SLC35D2: variants seen among roughly 807,000 people sequenced by gnomAD.
The protein encoded by SLC35D2 is nucleotide sugar transporter SLC35D2.
In SLC35D2, 43 loss-of-function variants were observed where a neutral mutation model predicts 41.8. The ratio of observed to expected loss-of-function variants is 1.03; its 90% CI spans 0.81 to 1.33. SLC35D2 has a LOEUF of 1.33. Among genes scored for constraint, SLC35D2 ranks in the 40% most tolerant of loss-of-function variants. The pLI is 0.00. For missense variants in SLC35D2, 380 were observed against 408.4 expected, an observed-to-expected ratio of 0.93 and a Z score of 0.60; for synonymous variants, 150 against 163.9, an observed-to-expected ratio of 0.92 and a Z score of 0.65.
At chr9:96,329,603 T>C (rs895915647) in intron 9 of SLC35D2, among the ~76,000 whole-genome samples, 2 of 152,310 alleles carry the variant, frequency 1.3e-5, no homozygotes, top group Middle Eastern at 3.4e-3. Flanking sequence ...ACTTGGAGAG[T>C]GGCTGTGGCC....
At chr9:96,364,206 G>C (rs1385125962) in intron 3 of SLC35D2, among the ~76,000 whole-genome samples, 1 of 151,958 alleles carries the variant, frequency 6.6e-6, no homozygotes, top group African/African-American at 2.4e-5. Context: ...ATGGTGGCAG[G>C]CACCTGTAAT....
At position 96,321,286 on chromosome 9, in the gene SLC35D2, T is replaced by C; in HGVS notation, c.970A>G (p.Lys324Glu). 1.2e-6 allele frequency: 2 copies of C among 1,614,102 alleles called. No homozygotes were observed. The highest frequency in any genetic ancestry group is 1.7e-6 in the Non-Finnish European group (2 of 1,179,978). ...FLTLSSQLKPKPVGEENICLD... is the reference protein window; with the variant it reads ...FLTLSSQLKPEPVGEENICLD... Reference sequence around the variant, plus strand: ...CAGATGTTTTCTTCACCCACAGGTTTAGGTTTTAACTGGCTGCTCAGTGTT... The same window carrying C: ...CAGATGTTTTCTTCACCCACAGGTTCAGGTTTTAACTGGCTGCTCAGTGTT... The change falls in exon 12 of 12, where the codon AAA becomes GAA. Residue 324 changes from lysine (K) to glutamate (E), a missense_variant. Lys to Glu is a moderately conservative substitution (Grantham distance 56). Transcript: ENST00000253270.
chr9:96,324,694 A>G (rs72603663), intron 9 of SLC35D2, among the ~76,000 whole-genome samples: 20,052 of 151,720 alleles, frequency 0.13, 1,773 homozygotes, highest in East Asian at 0.28. Flanking sequence ...CTGGGACTAC[A>G]GGCTCATGCC....
At chr9:96,332,348 T>G (rs1828845325) in intron 9 of SLC35D2, among the ~76,000 whole-genome samples, 1 of 152,068 alleles carries the variant, frequency 6.6e-6, no homozygotes, top group African/African-American at 2.4e-5. Context: ...AAGCTTACTA[T>G]GGAGATGCAG....
At chr9:96,326,602 G>C (rs1032545645) in intron 9 of SLC35D2, among the ~76,000 whole-genome samples, 1 of 152,014 alleles carries the variant, frequency 6.6e-6, no homozygotes, top group Non-Finnish European at 1.5e-5. Context: ...AGGAGATTGA[G>C]ACCATCCTGG....
chr9:96,341,211 T>C (rs902724183), intron 8 of SLC35D2, among the ~76,000 whole-genome samples: 2 of 152,092 alleles, frequency 1.3e-5, no homozygotes, highest in African/African-American at 4.8e-5. Flanking sequence ...TGCTTGAATG[T>C]GGGAGACAGA....
At chr9:96,351,207 CAG>C (rs1829799807) in intron 5 of SLC35D2, 36 bp from the exon 6 acceptor site, 5 of 1,394,534 alleles carry the variant, frequency 3.6e-6, no homozygotes, top group South Asian at 3.5e-5. Flanking sequence ...GGAAAGGGAG[CAG>C]AGAGGAAAAC....
chr9:96,378,625 G>A (rs910556274), intron 1 of SLC35D2, among the ~76,000 whole-genome samples: 4 of 152,122 alleles, frequency 2.6e-5, no homozygotes, highest in Admixed American at 6.6e-5. Flanking sequence ...GAAAAGACCA[G>A]CTTGGTGTGG....
Position 96,364,483 on chromosome 9 carries a change from T to A in SLC35D2, c.260A>T (p.Asp87Val). Residue 87 changes from aspartate (D) to valine (V), a missense_variant, in exon 3 of 12, where the codon GAT (aspartate) becomes GTT (valine). Transcript: ENST00000253270. ...LNKIIHFPDFDKKIPVKLFPL... is the reference protein window; with the variant it reads ...LNKIIHFPDFVKKIPVKLFPL... The stretch of plus-strand genomic sequence containing the variant: ...ACTTACCTTTACAGGAATTTTCTTA[T>A]CAAAATCAGGGAAGTGAATGATTTT... 6.3e-7 allele frequency: 1 copy of A among 1,588,704 alleles called. No individual in the cohort carries two copies. Among genetic ancestry groups the A allele is most frequent in the Non-Finnish European group, 8.6e-7 (1 of 1,157,880 alleles).
intron 4 of SLC35D2, among the ~76,000 whole-genome samples, chr9:96,356,584 G>C (rs35436016): frequency 0.019 from 2,784 of 149,764 alleles, 63 homozygotes; most frequent in Middle Eastern, 0.039. Context: ...TAGATAGATA[G>C]CTGGCTGGGC....
At chr9:96,369,569 C>T (rs1314877661) in intron 1 of SLC35D2, among the ~76,000 whole-genome samples, 2 of 152,076 alleles carry the variant, frequency 1.3e-5, no homozygotes, top group African/African-American at 4.8e-5. Flanking sequence ...GGTATTTGCA[C>T]AAAGATAATC....
At chr9:96,358,808 G>A (rs1180191497) in intron 4 of SLC35D2, among the ~76,000 whole-genome samples, 1 of 152,018 alleles carries the variant, frequency 6.6e-6, no homozygotes, top group African/African-American at 2.4e-5. Context: ...GGCCAACATG[G>A]TGAAACCCCG....
intron 8 of SLC35D2, 126 bp downstream of exon 8, chr9:96,343,778 G>C (rs1437626536): frequency 3.8e-5 from 21 of 556,602 alleles, no homozygotes; most frequent in South Asian, 3.6e-4. Flanking sequence ...CAAACATCTT[G>C]TTATCATGTA....
At chr9:96,324,935 G>C (rs58088508) in intron 9 of SLC35D2, among the ~76,000 whole-genome samples, 40,791 of 152,054 alleles carry the variant, frequency 0.27, 5,799 homozygotes, top group East Asian at 0.55. Context: ...GGCCCCGACC[G>C]TGCACGATAT....
At chr9:96,344,040 G>C (rs764061242) in intron 7 of SLC35D2, 44 bp from the exon 8 acceptor site, 2 of 1,293,648 alleles carry the variant, frequency 1.5e-6, no homozygotes, top group Non-Finnish European at 2.2e-6. Context: ...TCAGAAACGT[G>C]AGGCACAGAT....
At chr9:96,378,222 C>G (rs1271718159) in intron 1 of SLC35D2, among the ~76,000 whole-genome samples, 1 of 151,704 alleles carries the variant, frequency 6.6e-6, no homozygotes, top group Non-Finnish European at 1.5e-5. Context: ...CCACTTGAGC[C>G]CAAGAGTTCG....
At chr9:96,327,945 G>A (rs143650169) in intron 9 of SLC35D2, among the ~76,000 whole-genome samples, 207 of 151,858 alleles carry the variant, frequency 1.4e-3, no homozygotes, top group African/African-American at 4.4e-3. Flanking sequence ...ATACCCACTA[G>A]ATGTCCCCAG....
chr9:96,366,517 A>T (rs1587712406), intron 2 of SLC35D2, among the ~76,000 whole-genome samples: 18 of 103,572 alleles, frequency 1.7e-4, no homozygotes, highest in Non-Finnish European at 2.0e-4. Context: ...CTTATCACTG[A>T]TTTTTTTTTT....
chr9:96,381,184 C>A (rs146315872), intron 1 of SLC35D2, among the ~76,000 whole-genome samples: 62 of 152,358 alleles, frequency 4.1e-4, no homozygotes, highest in Non-Finnish European at 7.6e-4. Flanking sequence ...CTTCTAATTG[C>A]ATTTAGCATG....
Sources: allele counts gnomAD v4.1 joint callset (sites outside exome capture counted in the v4.1 genomes callset), GRCh38; gene constraint gnomAD v4.1.1; transcripts MANE v1.5; gene names NCBI Gene and HGNC (gene_info 2026-07-23, HGNC 2026-07-21).